Variants in WASF3 observed in about 807,000 individuals in gnomAD.
WASF3 encodes WASP family member 3.
In WASF3, 11 loss-of-function variants were observed where a neutral mutation model predicts 46.6. That is an observed-to-expected ratio of 0.24 (90% CI 0.15 to 0.39). The LOEUF (loss-of-function observed/expected upper bound fraction) is 0.39, where lower values mean the gene tolerates loss of function less well. WASF3 is among the 10% of genes least tolerant of loss of function. WASF3 has a pLI of 1.00. For missense variants in WASF3, 576 were observed against 669.8 expected (o/e 0.86, Z 1.55); for synonymous variants, 242 against 259.7 (o/e 0.93, Z 0.65).
intron 1 of WASF3, among the ~76,000 whole-genome samples, chr13:26,600,206 C>T (rs1269142285): frequency 6.6e-6 from 1 of 152,158 alleles, no homozygotes; most frequent in Non-Finnish European, 1.5e-5. Context: ...ATTTCCTGAG[C>T]TGTCTTTACA....
At chr13:26,568,165 C>T (rs984339006) in intron 1 of WASF3, among the ~76,000 whole-genome samples, 1 of 151,996 alleles carries the variant, frequency 6.6e-6, no homozygotes, top group Non-Finnish European at 1.5e-5. Flanking sequence ...AGATGAAAAA[C>T]CATTGCAAAG....
At chr13:26,554,712 A>G (rs1462660007), upstream of WASF3, among the ~76,000 whole-genome samples, 1 of 152,166 alleles carries the variant, frequency 6.6e-6, no homozygotes, top group Non-Finnish European at 1.5e-5. Flanking sequence ...ATGTCTTTGT[A>G]TGGCTTGATA....
At chr13:26,582,694 A>AT (rs1555248253) in intron 1 of WASF3, among the ~76,000 whole-genome samples, 1 of 150,998 alleles carries the variant, frequency 6.6e-6, no homozygotes, top group East Asian at 1.9e-4. Context: ...AAAAAAAAAA[A>AT]AAAAAGCCTA....
At chr13:26,583,867 A>G (rs994551197) in intron 1 of WASF3, among the ~76,000 whole-genome samples, 3 of 152,200 alleles carry the variant, frequency 2.0e-5, no homozygotes, top group African/African-American at 7.2e-5. Flanking sequence ...TGTGGTTGCC[A>G]CTCAAGTAGC....
chr13:26,577,805 C>G (rs1302335468), intron 1 of WASF3: 6 of 611,756 alleles, frequency 9.8e-6, no homozygotes, highest in Non-Finnish European at 1.4e-5. Context: ...TACATGCACT[C>G]AGTTGTGTGT....
intron 1 of WASF3, among the ~76,000 whole-genome samples, chr13:26,559,792 C>CTTTTCTTTTCT (rs142509921): frequency 1.9e-4 from 14 of 74,036 alleles, no homozygotes; most frequent in African/African-American, 2.7e-4. Flanking sequence ...CTTTTCTTTT[C>CTTTTCTTTTCT]TTTCTTTCTT....
the WASF3 span, among the ~76,000 whole-genome samples, chr13:26,548,400 T>A: frequency 6.6e-6 from 1 of 152,226 alleles, no homozygotes; most frequent in Non-Finnish European, 1.5e-5. Flanking sequence ...ACTGCTCTTT[T>A]CTTTCCCTTC....
At chr13:26,650,660 A>G (rs1249787008) in intron 3 of WASF3, among the ~76,000 whole-genome samples, 1 of 152,230 alleles carries the variant, frequency 6.6e-6, no homozygotes, top group Non-Finnish European at 1.5e-5. Context: ...ACAACGTGTG[A>G]GGAAATAGCA....
intron 1 of WASF3, among the ~76,000 whole-genome samples, chr13:26,565,094 G>A (rs1380328023): frequency 2.7e-5 from 4 of 150,650 alleles, no homozygotes; most frequent in Non-Finnish European, 4.4e-5. Flanking sequence ...GTGCTATCTC[G>A]GCTTGAAACC....
chr13:26,600,748 G>A (rs764074569), intron 1 of WASF3, among the ~76,000 whole-genome samples: 22 of 152,126 alleles, frequency 1.4e-4, no homozygotes, highest in Non-Finnish European at 2.9e-4. Context: ...ACCAAAAGAC[G>A]AACAGGAGCA....
At chr13:26,681,776 T>C (rs1289439540) in intron 8 of WASF3, among the ~76,000 whole-genome samples, 1 of 152,120 alleles carries the variant, frequency 6.6e-6, no homozygotes, top group Non-Finnish European at 1.5e-5. Context: ...CACCCAGACA[T>C]CATTCTGCCC....
intron 2 of WASF3, among the ~76,000 whole-genome samples, chr13:26,621,298 T>C (rs1450598432): frequency 6.6e-6 from 1 of 152,200 alleles, no homozygotes; most frequent in Non-Finnish European, 1.5e-5. Context: ...GCATTTCCAC[T>C]AGCTAAAGCA....
At chr13:26,600,645 TG>T (rs1295719493) in intron 1 of WASF3, among the ~76,000 whole-genome samples, 2 of 152,212 alleles carry the variant, frequency 1.3e-5, no homozygotes, top group Admixed American at 1.3e-4. Flanking sequence ...TCATGGGAGC[TG>T]GGGTGTCTCC....
At chr13:26,675,036 G>A (rs956075142) in intron 6 of WASF3, among the ~76,000 whole-genome samples, 2 of 152,036 alleles carry the variant, frequency 1.3e-5, no homozygotes, top group Admixed American at 1.3e-4. Context: ...CTCTGAAAAC[G>A]GTCCAGTTTT....
intron 2 of WASF3, among the ~76,000 whole-genome samples, chr13:26,614,599 A>G (rs900789669): frequency 1.7e-4 from 26 of 152,338 alleles, no homozygotes; most frequent in Non-Finnish European, 2.9e-4. Context: ...GATGGGTTAC[A>G]GGCTGATTGT....
At chr13:26,639,729 T>A (rs1468381342) in intron 2 of WASF3, 1 of 152,226 alleles carries the variant, frequency 6.6e-6, no homozygotes, top group East Asian at 1.9e-4. Flanking sequence ...TAGGAGACAA[T>A]TGCCATAGAA....
At chr13:26,648,591 A>C (rs370189179) in intron 3 of WASF3, among the ~76,000 whole-genome samples, 2 of 152,292 alleles carry the variant, frequency 1.3e-5, no homozygotes, top group African/African-American at 4.8e-5. Context: ...AAGGAACTAG[A>C]TTATAAGTAA....
chr13:26,544,848 C>T, the WASF3 span, among the ~76,000 whole-genome samples: 1 of 152,224 alleles, frequency 6.6e-6, no homozygotes, highest in Non-Finnish European at 1.5e-5. Flanking sequence ...GTGGACATTC[C>T]AGAAAGCTAC....
intron 3 of WASF3, among the ~76,000 whole-genome samples, chr13:26,659,210 T>C (rs1166498475): frequency 6.6e-6 from 1 of 152,082 alleles, no homozygotes; most frequent in Non-Finnish European, 1.5e-5. Flanking sequence ...GGTGTAGAGC[T>C]AGAGGAAGTG....
Sources: allele counts gnomAD v4.1 joint callset (sites outside exome capture counted in the v4.1 genomes callset), GRCh38; gene constraint gnomAD v4.1.1; transcripts MANE v1.5; gene names NCBI Gene and HGNC (gene_info 2026-07-23, HGNC 2026-07-21).